NRG1: variants seen among roughly 807,000 people sequenced by gnomAD.
NRG1 encodes the protein pro-neuregulin-1, membrane-bound isoform.
In NRG1, 18 loss-of-function variants were observed where a neutral mutation model predicts 63.8. That is an observed-to-expected ratio of 0.28 (90% CI 0.19 to 0.42). NRG1 has a LOEUF of 0.42. Ranked by LOEUF, NRG1 falls within the 10% of genes least tolerant of loss-of-function variation. The pLI, the probability that NRG1 is intolerant of heterozygous loss-of-function variation, is 1.00. For synonymous variants in NRG1, 302 were observed against 301.3 expected (o/e 1.00, Z -0.02); for missense variants, 762 against 814.7 (o/e 0.94, Z 0.79).
chr8:31,897,695 A>T (rs1156984999), intron 1 of NRG1, among the ~76,000 whole-genome samples: 1 of 152,100 alleles, frequency 6.6e-6, no homozygotes, highest in East Asian at 1.9e-4. Context: ...TTAGACTATA[A>T]CTTGACTCTT....
chr8:31,661,506 T>C (rs184302644), intron 1 of NRG1, among the ~76,000 whole-genome samples: 233 of 152,282 alleles, frequency 1.5e-3, no homozygotes, highest in African/African-American at 5.2e-3. Context: ...GAAATATGAG[T>C]TCTTCTTTCA....
At chr8:32,746,040 G>A (rs552376907) in intron 7 of NRG1, among the ~76,000 whole-genome samples, 2 of 152,202 alleles carry the variant, frequency 1.3e-5, no homozygotes, top group East Asian at 3.9e-4. Flanking sequence ...CATGTATCTT[G>A]CTAAAAGTAG....
intron 5 of NRG1, among the ~76,000 whole-genome samples, chr8:32,620,435 C>A (rs1848127732): frequency 6.7e-6 from 1 of 149,164 alleles, no homozygotes; most frequent in Admixed American, 6.8e-5. Flanking sequence ...GCTTTCAGAG[C>A]AAACAGATAT....
intron 1 of NRG1, among the ~76,000 whole-genome samples, chr8:32,038,129 G>A (rs549175873): frequency 7.2e-4 from 110 of 152,372 alleles, no homozygotes; most frequent in East Asian, 1.9e-3. Context: ...GCCCTTGGTG[G>A]TGTGGGCTCA....
intron 1 of NRG1, among the ~76,000 whole-genome samples, chr8:31,738,140 T>A (rs891134373): frequency 6.6e-6 from 1 of 152,020 alleles, no homozygotes; most frequent in African/African-American, 2.4e-5. Flanking sequence ...TGCAGAAATC[T>A]AGATGGAAGA....
rs193148446 is a variant in NRG1, at chr8:32,170,847, T to C, written c.38-424981T>C. On this transcript the variant is annotated intron_variant, in intron 1 of 10. Coordinates refer to the NRG1 transcript ENST00000519301. ...TAGGTTGGGGCAAAAGTAATTGCAGTTTTTGACTTTTTAATTGCAAAACCG... is the reference window on the plus strand; with the variant it reads ...TAGGTTGGGGCAAAAGTAATTGCAGCTTTTGACTTTTTAATTGCAAAACCG... Among the ~76,000 whole-genome samples, 15 of 152,262 alleles carry C rather than the reference T, an allele frequency of 9.9e-5. No individual in the cohort carries two copies. In the East Asian group the frequency reaches 2.9e-3, roughly 29 times the overall value.
At chr8:32,661,451 A>G (rs1802827733) in intron 5 of NRG1, among the ~76,000 whole-genome samples, 1 of 152,190 alleles carries the variant, frequency 6.6e-6, no homozygotes, top group Non-Finnish European at 1.5e-5. Context: ...ATCACAGAAG[A>G]GCCATTAACA....
At chr8:32,681,417 T>G (rs1287869285) in intron 5 of NRG1, among the ~76,000 whole-genome samples, 1 of 152,114 alleles carries the variant, frequency 6.6e-6, no homozygotes, top group Non-Finnish European at 1.5e-5. Flanking sequence ...TCATTATTCT[T>G]TATTAACTCA....
chr8:31,832,203 G>A (rs912921700), intron 1 of NRG1, among the ~76,000 whole-genome samples: 1 of 151,692 alleles, frequency 6.6e-6, no homozygotes. Context: ...GCTCTGAATT[G>A]GAAAGTAAGT....
intron 1 of NRG1, among the ~76,000 whole-genome samples, chr8:32,523,454 A>G (rs1284264460): frequency 6.6e-6 from 1 of 152,186 alleles, no homozygotes; most frequent in Non-Finnish European, 1.5e-5. Context: ...GCTATTTTTA[A>G]AAGAGTTTAT....
intron 1 of NRG1, among the ~76,000 whole-genome samples, chr8:32,126,939 C>T (rs1834146191): frequency 6.6e-6 from 1 of 151,766 alleles, no homozygotes; most frequent in Non-Finnish European, 1.5e-5. Context: ...TGTCTCATAT[C>T]TTCAAATCCT....
chr8:32,122,616 TTTATTATTA>T (rs576330252), intron 1 of NRG1, among the ~76,000 whole-genome samples: 3 of 150,566 alleles, frequency 2.0e-5, no homozygotes, highest in East Asian at 1.9e-4. Flanking sequence ...TTAAGAACTT[TTTATTATTA>T]TTATTATTAT....
intron 1 of NRG1, among the ~76,000 whole-genome samples, chr8:32,389,774 T>A (rs4733326): frequency 0.75 from 111,760 of 148,728 alleles, 42,823 homozygotes; most frequent in Middle Eastern, 0.85. Flanking sequence ...TTTTTTTTTT[T>A]TTTTGAAATG....
chr8:31,988,570 A>G (rs1167369864), intron 1 of NRG1, among the ~76,000 whole-genome samples: 10 of 152,082 alleles, frequency 6.6e-5, no homozygotes, highest in Admixed American at 6.5e-4. Context: ...CATATAAAAG[A>G]AAGGAGGAAA....
At chr8:32,038,999 A>G (rs985345835) in intron 1 of NRG1, among the ~76,000 whole-genome samples, 4 of 152,302 alleles carry the variant, frequency 2.6e-5, no homozygotes, top group Admixed American at 6.5e-5. Context: ...ATTACATTGA[A>G]CACTGACCGG....
chr8:32,575,130 T>A (rs1468357596), intron 1 of NRG1, among the ~76,000 whole-genome samples: 1 of 152,164 alleles, frequency 6.6e-6, no homozygotes, highest in Non-Finnish European at 1.5e-5. Flanking sequence ...AGCTTCAGAT[T>A]TTTCCCCAGG....
At chr8:32,622,958 A>G (rs1848597621) in intron 5 of NRG1, among the ~76,000 whole-genome samples, 1 of 152,248 alleles carries the variant, frequency 6.6e-6, no homozygotes. Flanking sequence ...TTTTAGCCTA[A>G]GTGATGATGC....
chr8:31,880,563 T>G (rs1010300413), intron 1 of NRG1, among the ~76,000 whole-genome samples: 14 of 152,128 alleles, frequency 9.2e-5, no homozygotes, highest in African/African-American at 3.1e-4. Context: ...GCATAGGTGT[T>G]CTCAATGTTA....
At chr8:31,641,447 C>G (rs1469131279) in intron 1 of NRG1, among the ~76,000 whole-genome samples, 1 of 151,806 alleles carries the variant, frequency 6.6e-6, no homozygotes. Flanking sequence ...TATGGAATAT[C>G]ACATGTAGGC....
Sources: gnomAD v4.1 joint callset for allele counts (sites outside exome capture counted in the v4.1 genomes callset) on GRCh38, gnomAD v4.1.1 for gene constraint, MANE v1.5 for transcripts, NCBI Gene and HGNC (gene_info 2026-07-23, HGNC 2026-07-21) for gene names.